BAZ2A: variants seen among roughly 807,000 people sequenced by gnomAD.
The protein encoded by BAZ2A is bromodomain adjacent to zinc finger domain 2A.
BAZ2A carries 34 observed loss-of-function variants against 199.9 expected under a neutral mutation model. The observed-to-expected ratio is 0.17, with a 90% CI of 0.13 to 0.23. The LOEUF is 0.23. BAZ2A is among the 10% of genes least tolerant of loss of function. The pLI is 1.00. For synonymous variants in BAZ2A, 857 were observed against 883.9 expected (o/e 0.97, Z 0.54); for missense variants, 2,002 against 2,391.1 (o/e 0.84, Z 3.39).
At chr12:56,620,563 C>CTTTTTTTTTTTTTTTTT (rs11367195) in intron 1 of BAZ2A, among the ~76,000 whole-genome samples, 5 of 144,424 alleles carry the variant, frequency 3.5e-5, no homozygotes, top group African/African-American at 1.3e-4. Context: ...CCAGGATTTC[C>CTTTTTTTTTTTTTTTTT]TTTTTTTTTT....
In BAZ2A at chr12:56,620,236, C is replaced by T. The variant is rs368716909; in HGVS notation, c.-2-2704G>A. 6.4e-4 allele frequency among the ~76,000 whole-genome samples: 97 copies of T among 151,916 alleles called. 2 individuals carry two copies. The South Asian group carries it at 0.014, about 22-fold the overall frequency. On this transcript the variant is annotated intron_variant, in intron 1 of 28. Coordinates refer to ENST00000549884, the MANE Select transcript of BAZ2A (RefSeq NM_001300905.2). ...AGAAAGTTTACAAATTGGTATTGGG[C>T]CAGATTCAAAGTTGTCCTGGGTGGG...
At chr12:56,615,913 T>C (rs535431198) in intron 2 of BAZ2A, among the ~76,000 whole-genome samples, 1 of 152,186 alleles carries the variant, frequency 6.6e-6, no homozygotes, top group East Asian at 1.9e-4. Flanking sequence ...ATTTTTTGTT[T>C]GTTTGTTTTG....
At position 56,601,063 on chromosome 12, in the gene BAZ2A, C is replaced by T. The variant is rs746953310; in HGVS notation, c.4330G>A (p.Glu1444Lys). 6.2e-7 allele frequency: 1 copy of T among 1,611,828 alleles called. No homozygotes were observed. The highest frequency in any genetic ancestry group is 8.5e-7 in the Non-Finnish European group (1 of 1,178,900). The change falls in exon 22 of 29, where the codon GAG becomes AAG. Residue 1444 changes from glutamate to lysine, a missense_variant. By Grantham distance (56) the Glu-to-Lys change is moderately conservative (BLOSUM62 1). Around this residue, in one of 6 missense-constraint regions of BAZ2A, gnomAD observed 1,081 missense variants for 1,274.7 expected, o/e 0.85. Coordinates refer to ENST00000549884, the MANE Select transcript of BAZ2A (RefSeq NM_001300905.2). ...CSGWWWIRDP[E>K]MLDAMLKALH... ...GCCTTGAGCATGGCATCCAACATCT[C>T]AGGATCTCGTATCCACCACCAGCCT...
At chr12:56,606,111 C>T in intron 12 of BAZ2A, 48 bp from the exon 13 acceptor site, 1 of 1,550,622 alleles carries the variant, frequency 6.4e-7, no homozygotes, top group Non-Finnish European at 8.7e-7. Context: ...ATATCAGTCA[C>T]TATCCTTCCC....
chr12:56,605,424 T>C, intron 13 of BAZ2A, 97 bp from the exon 14 acceptor site: 2 of 258,902 alleles, frequency 7.7e-6, no homozygotes, highest in East Asian at 3.1e-4. Flanking sequence ...TTTTATGTAA[T>C]TTTTTTTTTT....
Position 56,635,955 on chromosome 12 carries a change from G to A in BAZ2A, c.4+227C>T, listed in dbSNP as rs1186961202. Among the ~76,000 whole-genome samples, 3 of 152,180 alleles carry A rather than the reference G, an allele frequency of 2.0e-5. No individual in the cohort carries two copies. The highest frequency in any genetic ancestry group is 4.4e-5 in the Non-Finnish European group (3 of 68,028). The stretch of plus-strand genomic sequence containing the variant: ...CGGGGAGGGGGCTGGGAAAGCCCTG[G>A]CCTAAGATGCGTCTCAGGCTCTTCC... On this transcript the variant is annotated intron_variant, in intron 1 of 29. Transcript: ENST00000379441. This position sits in a 1 kb window ranked among gnomAD's most constrained non-coding sequence, Gnocchi z 4.1.
intron 1 of BAZ2A, among the ~76,000 whole-genome samples, chr12:56,624,433 G>GAT (rs2137264166): frequency 6.6e-6 from 1 of 152,234 alleles, no homozygotes; most frequent in Non-Finnish European, 1.5e-5. Flanking sequence ...GCATCAGTTG[G>GAT]ATATAAGTTC....
At chr12:56,615,630 G>C in intron 2 of BAZ2A, 23 bp from the exon 3 acceptor site, 1 of 1,529,056 alleles carries the variant, frequency 6.5e-7, no homozygotes, top group South Asian at 1.2e-5. Context: ...GAAAGAAAAG[G>C]TCAGTTACAG....
rs763766971 is a variant in BAZ2A at position 56,595,882 on chromosome 12, C to A, written c.*2736G>T. 1.3e-4 allele frequency: 17 copies of A among 131,254 alleles called. No homozygotes were observed. The highest frequency in any genetic ancestry group is 1.2e-3 in the Admixed American group (13 of 11,072). 8.1% of individuals were successfully genotyped at this position (131,254 alleles called of 1,614,324 possible). A position where few individuals can be genotyped will look rare whatever the true frequency, so the allele number is the denominator to read the frequency against. ...AGTCATACCTATCCCAACGCCGTCT[C>A]CCCCTCAGGTGTGTAGAAGGGAAGA... On this transcript the variant is annotated 3_prime_UTR_variant, in exon 29 of 29. Transcript: ENST00000549884.
chr12:56,619,855 A>G (rs1367865389), intron 1 of BAZ2A, among the ~76,000 whole-genome samples: 2 of 152,156 alleles, frequency 1.3e-5, no homozygotes, highest in Non-Finnish European at 2.9e-5. Flanking sequence ...CAAAAAATAA[A>G]AAAGTTAGCT....
At chr12:56,630,874 G>A, upstream of BAZ2A, 1 of 985,314 alleles carries the variant, frequency 1.0e-6, no homozygotes, top group Non-Finnish European at 1.2e-6. Flanking sequence ...TCCTGTGCGT[G>A]GGGGAAAGAA....
rs770621762 is a variant in BAZ2A, at chr12:56,602,841, C to A, written c.3296G>T (p.Arg1099Leu). Residue 1099 changes from arginine to leucine, a missense_variant, in exon 19 of 29, where the codon CGC becomes CTC. By Grantham distance (102) the Arg-to-Leu change is moderately radical. Coordinates refer to ENST00000549884, the MANE Select transcript of BAZ2A (RefSeq NM_001300905.2). ...CTGGGATGAGTGAAGCAGCTTTTTG[C>A]GAAAGAAAAGCTGACGCTGGGTAGA... ...EKLSKRQLFF[R>L]KKLLHSSQML... 3.7e-6 allele frequency: 6 copies of A among 1,611,570 alleles called. No individual in the cohort carries two copies. The African/African-American group carries it at 6.7e-5, about 18-fold the overall frequency.
intron 7 of BAZ2A, chr12:56,611,244 C>G (rs567777948): frequency 2.3e-6 from 1 of 426,574 alleles, no homozygotes; most frequent in African/African-American, 2.1e-5. Flanking sequence ...TCATTCATTA[C>G]TATCCCTTGT....
At chr12:56,617,699 T>C (rs1437103264) in intron 1 of BAZ2A, among the ~76,000 whole-genome samples, 167 bp from the exon 2 acceptor site, 1 of 152,166 alleles carries the variant, frequency 6.6e-6, no homozygotes, top group Non-Finnish European at 1.5e-5. Flanking sequence ...GGAGAAAATA[T>C]GCCTCTAGCC....
rs1363260537 is a variant in BAZ2A, at chr12:56,606,306, T to A, written c.2200A>T (p.Asn734Tyr). 2.5e-6 allele frequency: 4 copies of A among 1,614,020 alleles called. No individual in the cohort carries two copies. The East Asian group carries it at 8.9e-5, about 36-fold the overall frequency. Residue 734 changes from asparagine (N) to tyrosine (Y), a missense_variant, in exon 12 of 29, where the codon AAT (asparagine) becomes TAT (tyrosine). Around this residue, in one of 6 missense-constraint regions of BAZ2A, gnomAD observed 1,081 missense variants for 1,274.7 expected, o/e 0.85. Transcript: ENST00000549884. ...CTCTTGGTCTCTTGTTTCCGCTTAT[T>A]TCTGGCCTGTAAACCATAAGGGAAG... ...CQTTIQGQAR[N>Y]KRKQETKSLK...
In BAZ2A at chr12:56,597,637, G is replaced by GACACACAC. The variant is rs35960815; in HGVS notation, c.*973_*980dup. 2,909 of 127,140 alleles carry GACACACAC rather than the reference G, an allele frequency of 0.023. 89 individuals are homozygous for GACACACAC. Among genetic ancestry groups the GACACACAC allele is most frequent in the African/African-American group, 0.061 (1,783 of 29,404 alleles). 7.9% of individuals were successfully genotyped at this position (127,140 alleles called of 1,614,324 possible). On this transcript the variant is annotated 3_prime_UTR_variant, in exon 29 of 29. Coordinates refer to ENST00000549884, the MANE Select transcript of BAZ2A (RefSeq NM_001300905.2). ...CACACACACAGCGCGCTCTGAGGCC[G>GACACACAC]ACACACACACACACACACACACACA...
intron 10 of BAZ2A, among the ~76,000 whole-genome samples, chr12:56,607,382 T>C (rs1272270116): frequency 6.6e-6 from 1 of 152,214 alleles, no homozygotes. Flanking sequence ...TACATATATA[T>C]ATTTTTTGAC....
In BAZ2A at chr12:56,603,530, C is replaced by T; in HGVS notation, c.3209G>A (p.Arg1070Lys). ...ATCTTGGGCCAGTACCTCTCCATCT[C>T]TTCGACCCCTGCGGCCAGGGACAGC... ...IAAVPGRRGR[R>K]DGEVDATASS... The change falls in exon 17 of 29, where the codon AGA becomes AAA. Residue 1070 changes from arginine (R) to lysine (K), a missense_variant. Arg to Lys is a conservative substitution (Grantham distance 26). Around this residue, in one of 6 missense-constraint regions of BAZ2A, gnomAD observed 1,081 missense variants for 1,274.7 expected, o/e 0.85. Transcript: ENST00000549884. 1 of 1,614,034 alleles carries T rather than the reference C, an allele frequency of 6.2e-7. No homozygotes were observed. Among genetic ancestry groups the T allele is most frequent in the African/African-American group, 1.3e-5 (1 of 75,048 alleles).
chr12:56,608,436 G>A (rs994647628), intron 10 of BAZ2A, among the ~76,000 whole-genome samples: 1 of 151,834 alleles, frequency 6.6e-6, no homozygotes, highest in Non-Finnish European at 1.5e-5. Context: ...ACGGCTAGAT[G>A]TCTGAGTGAA....
Sources: gnomAD v4.1 joint callset for allele counts (sites outside exome capture counted in the v4.1 genomes callset) on GRCh38, gnomAD v4.1.1 for gene constraint, gnomAD v4.1.1 regional missense constraint, Gnocchi (gnomAD v3.1) non-coding constraint, MANE v1.5 for transcripts, NCBI Gene and HGNC (gene_info 2026-07-23, HGNC 2026-07-21) for gene names.